Variants in NBEAL1 observed in about 807,000 individuals in gnomAD.
NBEAL1 encodes neurobeachin like 1.
Under a neutral mutation model 351.3 loss-of-function variants are expected in NBEAL1, and 273 were observed. The observed-to-expected ratio is 0.78, with a 90% CI of 0.70 to 0.86. The LOEUF is 0.86. NBEAL1 is among the 40% of genes least tolerant of loss of function. The pLI, the probability that NBEAL1 is intolerant of heterozygous loss-of-function variation, is 0.00. For missense variants in NBEAL1, 2,961 were observed against 3,201.3 expected (o/e 0.92, Z 1.81); for synonymous variants, 1,050 against 1,086.4 (o/e 0.97, Z 0.66).
chr2:203,108,097 G>A lies in NBEAL1; in HGVS notation c.1858G>A (p.Ala620Thr), dbSNP rs151000588. ...VPPIQKWPGSAFSFSAWFCLD... is the reference protein window; with the variant it reads ...VPPIQKWPGSTFSFSAWFCLD... ...TCCCATACAGAAATGGCCAGGGTCT[G>A]CCTTTTCTTTCAGTGCTTGGTTTTG... Residue 620 changes from alanine to threonine, a missense_variant, in exon 14 of 56, where the codon GCC (alanine) becomes ACC (threonine). Transcript: ENST00000683969. 6.4e-7 allele frequency: 1 copy of A among 1,552,116 alleles called. No homozygotes were observed. The highest frequency in any genetic ancestry group is 8.7e-7 in the Non-Finnish European group (1 of 1,147,100).
At chr2:203,121,216 G>A (rs1418619199) in intron 18 of NBEAL1, among the ~76,000 whole-genome samples, 1 of 151,812 alleles carries the variant, frequency 6.6e-6, no homozygotes, top group Non-Finnish European at 1.5e-5. Context: ...TTGTTCTATG[G>A]TTTATCTCTC....
chr2:203,156,130 A>G (rs1037504575), intron 35 of NBEAL1, among the ~76,000 whole-genome samples: 8 of 152,184 alleles, frequency 5.3e-5, no homozygotes, highest in Non-Finnish European at 2.9e-5. Context: ...GTAGTTATCA[A>G]TATCTCCATA....
intron 8 of NBEAL1, among the ~76,000 whole-genome samples, chr2:203,080,849 C>G (rs2061859267): frequency 6.6e-6 from 1 of 152,098 alleles, no homozygotes; most frequent in African/African-American, 2.4e-5. Flanking sequence ...TTCTCTACTA[C>G]AGTGAAAAAA....
chr2:203,138,430 G>T, intron 30 of NBEAL1, 115 bp downstream of exon 30: 1 of 1,114,072 alleles, frequency 9.0e-7, no homozygotes, highest in Non-Finnish European at 1.3e-6. Flanking sequence ...CAATAAACAA[G>T]GATAAGATGT....
chr2:203,206,877 C>G (rs2065593827), intron 51 of NBEAL1, among the ~76,000 whole-genome samples: 4 of 151,436 alleles, frequency 2.6e-5, no homozygotes, highest in South Asian at 4.2e-4. Context: ...TGCCTGGCCG[C>G]CCATCATCTA....
At chr2:203,137,427 CTG>C (rs2063242907) in intron 29 of NBEAL1, among the ~76,000 whole-genome samples, 2 of 152,172 alleles carry the variant, frequency 1.3e-5, no homozygotes, top group Non-Finnish European at 2.9e-5. Flanking sequence ...TAATAGGACT[CTG>C]TAATGGTAGT....
chr2:203,022,143 T>C (rs1430667459), intron 2 of NBEAL1, among the ~76,000 whole-genome samples: 1 of 152,186 alleles, frequency 6.6e-6, no homozygotes, highest in African/African-American at 2.4e-5. Flanking sequence ...GACGTATTTC[T>C]ATTAGACACT....
At chr2:203,133,832 A>G (rs1358933466) in intron 27 of NBEAL1, among the ~76,000 whole-genome samples, 1 of 151,384 alleles carries the variant, frequency 6.6e-6, no homozygotes, top group Non-Finnish European at 1.5e-5. Flanking sequence ...AAAAATATAT[A>G]TATTTGTTGT....
intron 4 of NBEAL1, among the ~76,000 whole-genome samples, chr2:203,051,411 G>C (rs2106076380): frequency 6.6e-6 from 1 of 152,086 alleles, no homozygotes; most frequent in South Asian, 2.1e-4. Context: ...AGGCATGGTG[G>C]CGGGTGCCTG....
rs2106284228 is a variant in NBEAL1 at position 203,126,601 on chromosome 2, G to T, written c.3030G>T (p.Gln1010His). ...ATGTTAATGTGTTGATGGCAGTTCAGTTACTAATTGAACAAGTATCATTAG... is the reference window on the plus strand; with the variant it reads ...ATGTTAATGTGTTGATGGCAGTTCATTTACTAATTGAACAAGTATCATTAG... ...LMDVNVLMAV[Q>H]LLIEQVSLEK... The change falls in exon 22 of 56, where the codon CAG becomes CAT. Residue 1010 changes from glutamine to histidine, a missense_variant. Physicochemically the swap from Gln to His is conservative, Grantham distance 24. Transcript: ENST00000683969. 2 of 1,517,566 alleles carry T rather than the reference G, an allele frequency of 1.3e-6. No individual in the cohort carries two copies. Among genetic ancestry groups the T allele is most frequent in the Non-Finnish European group, 1.8e-6 (2 of 1,133,292 alleles). The allele number at this position is 1,517,566 out of a possible 1,614,324, so 94.0% of individuals were successfully genotyped here.
rs1025818587 is a variant in NBEAL1 at position 203,032,398 on chromosome 2, C to G, written c.52-9367C>G. Among the ~76,000 whole-genome samples the G allele has an allele frequency of 2.6e-5, 4 of 152,218 alleles. No homozygotes were observed. The East Asian group carries it at 7.8e-4, about 30-fold the overall frequency. On this transcript the variant is annotated intron_variant, in intron 2 of 55. Coordinates refer to ENST00000683969, the MANE Select transcript of NBEAL1 (RefSeq NM_001378026.1). ...AACAGCTGGGCACGGTGGCTCACAC[C>G]TGTAATCCCAGCACTTTGGGAGGCT...
At chr2:203,103,776 G>T (rs560154754) in intron 12 of NBEAL1, among the ~76,000 whole-genome samples, 25 of 152,178 alleles carry the variant, frequency 1.6e-4, no homozygotes, top group South Asian at 6.2e-4. Flanking sequence ...CACTGCTTTA[G>T]CTATGTCCCA....
At chr2:203,213,041 A>G (rs1031987587) in intron 54 of NBEAL1, among the ~76,000 whole-genome samples, 1 of 152,180 alleles carries the variant, frequency 6.6e-6, no homozygotes, top group Non-Finnish European at 1.5e-5. Flanking sequence ...TAGTATCCAT[A>G]TAGAATCCTG....
rs1006243959 is a variant in NBEAL1 at position 203,060,260 on chromosome 2, T to C, written c.515+2807T>C. On this transcript the variant is annotated intron_variant, in intron 6 of 55. Coordinates refer to ENST00000683969, the MANE Select transcript of NBEAL1 (RefSeq NM_001378026.1). ...GCTCTGATAACAAATTAAATAAAAT[T>C]GGTAGCTAAAAACAGTTTTTGAAAG... Among the ~76,000 whole-genome samples the C allele has an allele frequency of 5.3e-5, 8 of 152,218 alleles. No individual in the cohort carries two copies. The South Asian group carries it at 8.3e-4, about 16-fold the overall frequency.
intron 11 of NBEAL1, among the ~76,000 whole-genome samples, chr2:203,097,946 C>A (rs2062219121): frequency 6.6e-6 from 1 of 152,064 alleles, no homozygotes; most frequent in Admixed American, 6.5e-5. Flanking sequence ...GGTGACTTTT[C>A]TAAGCACTGT....
rs1486530922 is a variant in NBEAL1 at position 203,218,754 on chromosome 2, TA to T, written c.*1407del. ...TTTTCTTTATAATCTTTTGAGTGAG[TA>T]AAAAAATTTTAAGAAATAAAGGATT... On this transcript the variant is annotated 3_prime_UTR_variant, in exon 56 of 56. Transcript: ENST00000683969. 5.3e-5 allele frequency: 8 copies of T among 152,246 alleles called. No homozygotes were observed. The highest frequency in any genetic ancestry group is 1.9e-4 in the African/African-American group (8 of 41,560). The allele number at this position is 152,246 out of a possible 1,614,324, so 9.4% of individuals were successfully genotyped here. A position where few individuals can be genotyped will look rare whatever the true frequency, so the allele number is the denominator to read the frequency against.
At chr2:203,119,609 A>G (rs1469740707) in intron 18 of NBEAL1, among the ~76,000 whole-genome samples, 1 of 151,388 alleles carries the variant, frequency 6.6e-6, no homozygotes, top group Non-Finnish European at 1.5e-5. Context: ...TATTTTTAGT[A>G]CAGACGAGGT....
Position 203,166,153 on chromosome 2 carries a change from G to A in NBEAL1, c.5719G>A (p.Glu1907Lys), listed in dbSNP as rs755354070. The stretch of plus-strand genomic sequence containing the variant: ...ATTGGCTTCTTGTTTTTACAGTGAT[G>A]AGAAAGAAGAACAGGATCAAAAAGA... ...EDITARVNVD[E>K]KEEQDQKEKL... is the part of the protein sequence containing the mutation. The change falls in exon 37 of 56, where the codon GAG (glutamate) becomes AAG (lysine). Residue 1907 changes from glutamate to lysine, a missense_variant. By Grantham distance (56) the Glu-to-Lys change is moderately conservative (BLOSUM62 1). Coordinates refer to ENST00000683969, the MANE Select transcript of NBEAL1 (RefSeq NM_001378026.1). The A allele has an allele frequency of 6.4e-7, 1 of 1,560,772 alleles. No homozygotes were observed. The highest frequency in any genetic ancestry group is 1.2e-5 in the South Asian group (1 of 80,500).
At chr2:203,092,542 G>T (rs2062087726) in intron 10 of NBEAL1, among the ~76,000 whole-genome samples, 1 of 152,128 alleles carries the variant, frequency 6.6e-6, no homozygotes, top group African/African-American at 2.4e-5. Flanking sequence ...TCCAGCCTGG[G>T]CAACAGAGTG....
Sources: allele counts gnomAD v4.1 joint callset (sites outside exome capture counted in the v4.1 genomes callset), GRCh38; gene constraint gnomAD v4.1.1; transcripts MANE v1.5; gene names NCBI Gene and HGNC (gene_info 2026-07-23, HGNC 2026-07-21).